Variants in IL23R observed in about 807,000 individuals in gnomAD.
The protein encoded by IL23R is interleukin 23 receptor, also known as interleukin-23 receptor.
IL23R carries 34 observed loss-of-function variants against 56.9 expected under a neutral mutation model. The ratio of observed to expected loss-of-function variants is 0.60; its 90% CI spans 0.45 to 0.80. The LOEUF is 0.80. IL23R is among the 30% of genes least tolerant of loss of function. The pLI, the probability that IL23R is intolerant of heterozygous loss-of-function variation, is 0.00. For missense variants in IL23R, 635 were observed against 730.0 expected, an observed-to-expected ratio of 0.87 and a Z score of 1.50; for synonymous variants, 230 against 249.2, an observed-to-expected ratio of 0.92 and a Z score of 0.73.
At chr1:67,139,907 T>C (rs1187366301) in intron 1 of IL23R, among the ~76,000 whole-genome samples, 3 of 152,118 alleles carry the variant, frequency 2.0e-5, no homozygotes, top group African/African-American at 7.2e-5. Context: ...TAATGAATTA[T>C]GGGTTAACAG....
chr1:67,166,996 C>T (rs1331454492), intron 1 of IL23R, among the ~76,000 whole-genome samples: 1 of 152,184 alleles, frequency 6.6e-6, no homozygotes, highest in Non-Finnish European at 1.5e-5. Context: ...ATTCATGTAA[C>T]TGATTAATCA....
Position 67,227,944 on chromosome 1 carries a change from T to A in IL23R, c.955+8214T>A, listed in dbSNP as rs547737835. Reference sequence around the variant, plus strand: ...ACCTATTACTACAGAACAAAGATCTTTCTTTCTTTCTTTCTTTCTTTCTTT... The same window carrying A: ...ACCTATTACTACAGAACAAAGATCTATCTTTCTTTCTTTCTTTCTTTCTTT... On this transcript the variant is annotated intron_variant, in intron 7 of 10. Coordinates refer to ENST00000347310, the MANE Select transcript of IL23R (RefSeq NM_144701.3). Among the ~76,000 whole-genome samples, 6 of 6,056 alleles carry A rather than the reference T, an allele frequency of 9.9e-4. No individual in the cohort carries two copies. The Admixed American group carries it at 0.011, about 11-fold the overall frequency. 4.0% of individuals were successfully genotyped at this position (6,056 alleles called of 152,430 possible). A position where few individuals can be genotyped will look rare whatever the true frequency, so the allele number is the denominator to read the frequency against.
At chr1:67,171,183 T>C (rs1383346620) in intron 3 of IL23R, among the ~76,000 whole-genome samples, 1 of 152,156 alleles carries the variant, frequency 6.6e-6, no homozygotes, top group Non-Finnish European at 1.5e-5. Context: ...TACAATTTCT[T>C]TGGAGGGCAA....
chr1:67,210,797 G>A (rs1388547442), intron 6 of IL23R, among the ~76,000 whole-genome samples: 2 of 152,134 alleles, frequency 1.3e-5, no homozygotes, highest in African/African-American at 2.4e-5. Context: ...TAACAGTTAT[G>A]TATCAGCTGT....
At chr1:67,201,971 T>C (rs1232350526) in intron 5 of IL23R, among the ~76,000 whole-genome samples, 3 of 152,208 alleles carry the variant, frequency 2.0e-5, no homozygotes, top group Admixed American at 6.5e-5. Flanking sequence ...ATGAACAACT[T>C]TGTGGCTGAA....
At chr1:67,226,794 G>A (rs1650648583) in intron 7 of IL23R, among the ~76,000 whole-genome samples, 1 of 152,096 alleles carries the variant, frequency 6.6e-6, no homozygotes, top group African/African-American at 2.4e-5. Context: ...TAGTGGTTTG[G>A]GTGACAGAAA....
chr1:67,218,358 G>GTGTATA (rs1553293307), intron 6 of IL23R, among the ~76,000 whole-genome samples: 8 of 137,858 alleles, frequency 5.8e-5, no homozygotes, highest in African/African-American at 2.2e-4. Context: ...GTGTGTGTGT[G>GTGTATA]TATATATATA....
chr1:67,144,104 C>A (rs1051956951), intron 1 of IL23R, among the ~76,000 whole-genome samples: 3 of 152,136 alleles, frequency 2.0e-5, no homozygotes, highest in African/African-American at 7.2e-5. Context: ...CAAATGTGCC[C>A]TTTTCCAGTT....
intron 4 of IL23R, among the ~76,000 whole-genome samples, chr1:67,187,582 G>A (rs1028627298): frequency 1.8e-4 from 27 of 152,144 alleles, no homozygotes; most frequent in African/African-American, 5.1e-4. Flanking sequence ...AGGAATATTT[G>A]TAGTAGTTAT....
At chr1:67,233,195 CAAAAAAAA>C (rs34125353) in intron 7 of IL23R, among the ~76,000 whole-genome samples, 3 of 53,636 alleles carry the variant, frequency 5.6e-5, no homozygotes, top group African/African-American at 7.8e-5. Context: ...CTAAAAATTC[CAAAAAAAA>C]AAAAAAAAAA....
At chr1:67,226,481 A>G (rs1409699891) in intron 7 of IL23R, among the ~76,000 whole-genome samples, 1 of 152,036 alleles carries the variant, frequency 6.6e-6, no homozygotes. Context: ...CCCCAGGGGA[A>G]CTTCTCTCAG....
intron 9 of IL23R, among the ~76,000 whole-genome samples, chr1:67,254,717 G>A (rs1332619174): frequency 1.3e-5 from 2 of 152,150 alleles, no homozygotes; most frequent in Non-Finnish European, 2.9e-5. Context: ...TTGCTAACAG[G>A]ATCCATTGTT....
At chr1:67,208,974 C>T (rs1473976430) in intron 6 of IL23R, among the ~76,000 whole-genome samples, 1 of 152,098 alleles carries the variant, frequency 6.6e-6, no homozygotes, top group Non-Finnish European at 1.5e-5. Context: ...CATGGGAACC[C>T]ACCTCTTTTA....
At chr1:67,226,427 C>T (rs1372220551) in intron 7 of IL23R, among the ~76,000 whole-genome samples, 6 of 152,132 alleles carry the variant, frequency 3.9e-5, no homozygotes, top group South Asian at 2.1e-4. Context: ...GGATGATCTT[C>T]CCCTGGAGTT....
At chr1:67,224,900 G>A (rs754077793) in intron 7 of IL23R, among the ~76,000 whole-genome samples, 2 of 152,128 alleles carry the variant, frequency 1.3e-5, no homozygotes, top group Non-Finnish European at 2.9e-5. Context: ...CATATGAATT[G>A]TTCTTTATTT....
intron 6 of IL23R, among the ~76,000 whole-genome samples, chr1:67,218,958 TAC>T (rs1309373872): frequency 4.0e-5 from 6 of 150,566 alleles, no homozygotes; most frequent in Non-Finnish European, 4.4e-5. Context: ...AATATATATA[TAC>T]ACACACACAC....
At position 67,215,672 on chromosome 1, in the gene IL23R, T is replaced by A. The variant is rs191623379; in HGVS notation, c.799-3902T>A. Reference sequence around the variant, plus strand: ...ATCCACCTCAAAATGTCATCAAGGCTCTCCACCTGCTGCTGGAACCAGTTC... The same window carrying A: ...ATCCACCTCAAAATGTCATCAAGGCACTCCACCTGCTGCTGGAACCAGTTC... On this transcript the variant is annotated intron_variant, in intron 6 of 10. Coordinates refer to ENST00000347310, the MANE Select transcript of IL23R (RefSeq NM_144701.3). Among the ~76,000 whole-genome samples, 475 of 152,234 alleles carry A rather than the reference T, an allele frequency of 3.1e-3. 2 individuals carry two copies. The highest frequency in any genetic ancestry group is 0.011 in the African/African-American group (448 of 41,540).
intron 7 of IL23R, among the ~76,000 whole-genome samples, chr1:67,229,270 G>A (rs1650940423): frequency 6.6e-6 from 1 of 152,122 alleles, no homozygotes; most frequent in African/African-American, 2.4e-5. Context: ...CACAGAACTT[G>A]GGAAAACACT....
intron 9 of IL23R, among the ~76,000 whole-genome samples, chr1:67,242,889 C>T (rs1651941131): frequency 6.6e-6 from 1 of 151,988 alleles, no homozygotes; most frequent in Non-Finnish European, 1.5e-5. Flanking sequence ...AATGAAATCC[C>T]TTATAAATAT....
Sources: gnomAD v4.1 joint callset for allele counts (sites outside exome capture counted in the v4.1 genomes callset) on GRCh38, gnomAD v4.1.1 for gene constraint, MANE v1.5 for transcripts, NCBI Gene and HGNC (gene_info 2026-07-23, HGNC 2026-07-21) for gene names.